The following ABCC9 variants were observed in gnomAD, a reference collection of about 807,000 sequenced individuals.
ABCC9 encodes ATP-binding cassette sub-family C member 9.
A neutral mutation model predicts 188.3 loss-of-function variants in ABCC9; 95 were observed. That is an observed-to-expected ratio of 0.50 (90% CI 0.43 to 0.60). The LOEUF (loss-of-function observed/expected upper bound fraction) is 0.60, where lower values mean the gene tolerates loss of function less well. Among genes scored for constraint, ABCC9 ranks in the 20% least tolerant of loss-of-function variants. The probability of loss-of-function intolerance (pLI) is 0.00; values close to 1 mark genes in which losing one functional copy is unlikely to be tolerated. For synonymous variants in ABCC9, 659 were observed against 652.7 expected, an observed-to-expected ratio of 1.01 and a Z score of -0.15; for missense variants, 1,102 against 1,876.3, an observed-to-expected ratio of 0.59 and a Z score of 7.62.
Position 21,801,006 on chromosome 12 carries a change from C to A in ABCC9, c.*38G>T. 2.5e-6 allele frequency: 4 copies of A among 1,612,198 alleles called. No homozygotes were observed. The highest frequency in any genetic ancestry group is 3.4e-6 in the Non-Finnish European group (4 of 1,179,238). ...TGATCCATTAATTAGGTTATGACTG[C>A]ATTATTTTAAATACATGTATTGTTT... On this transcript the variant is annotated 3_prime_UTR_variant, in exon 40 of 40. Coordinates refer to ENST00000261200, the MANE Select transcript of ABCC9 (RefSeq NM_020297.4).
intron 11 of ABCC9, 104 bp downstream of exon 11, chr12:21,907,973 T>G: frequency 7.7e-7 from 1 of 1,299,438 alleles, no homozygotes; most frequent in Non-Finnish European, 1.1e-6. Context: ...TGAAATAGAA[T>G]TGTTTCCAAA....
At chr12:21,911,534 G>A (rs1039933766) in intron 8 of ABCC9, among the ~76,000 whole-genome samples, 1 of 151,894 alleles carries the variant, frequency 6.6e-6, no homozygotes, top group African/African-American at 2.4e-5. Flanking sequence ...GTTTTAGTAG[G>A]AATACGACTG....
intron 22 of ABCC9, among the ~76,000 whole-genome samples, chr12:21,857,631 A>C (rs561613615): frequency 6.6e-6 from 1 of 152,276 alleles, no homozygotes; most frequent in Non-Finnish European, 1.5e-5. Flanking sequence ...AACTATATGC[A>C]TCCTTAAAAG....
intron 2 of ABCC9, among the ~76,000 whole-genome samples, chr12:21,939,121 A>T (rs372183062): frequency 7.2e-5 from 11 of 152,316 alleles, no homozygotes; most frequent in Admixed American, 6.5e-4. Context: ...ATAAGAAATG[A>T]TGCAATCAAA....
intron 12 of ABCC9, among the ~76,000 whole-genome samples, chr12:21,898,709 G>A (rs1396467843): frequency 6.6e-6 from 1 of 152,136 alleles, no homozygotes; most frequent in Non-Finnish European, 1.5e-5. Context: ...TCAAATATTA[G>A]TGGGAGTAGT....
In ABCC9 at chr12:21,871,968, C is replaced by G. The variant is rs570194355; in HGVS notation, c.2198+657G>C. Among the ~76,000 whole-genome samples, 43 of 152,296 alleles carry G rather than the reference C, an allele frequency of 2.8e-4. No homozygotes were observed. The South Asian group carries it at 8.3e-3, about 29-fold the overall frequency. On this transcript the variant is annotated intron_variant, in intron 18 of 39. Coordinates refer to ENST00000261200, the MANE Select transcript of ABCC9 (RefSeq NM_020297.4). ...ATAAGTATAATTTACTCTTTATTAA[C>G]CAATTATGTAACATATTTCTGAATC...
chr12:21,919,736 A>G (rs1000857071), intron 5 of ABCC9, among the ~76,000 whole-genome samples: 4 of 152,078 alleles, frequency 2.6e-5, no homozygotes, highest in Non-Finnish European at 4.4e-5. Flanking sequence ...CTTTCAGAAA[A>G]ATAGAGAGAA....
chr12:21,910,889 T>A lies in ABCC9; in HGVS notation c.1101A>T (p.Thr367=). Residue 367 remains threonine (T), a synonymous_variant, in exon 9 of 40, where the codon ACA becomes ACT. Transcript: ENST00000261200. The part of the protein sequence containing the change: ...LLFLALILQR[T]FLQASYYVTI... ...TTACATAGTAGGAAGCCTGCAAAAATGTCCTTTGCAGAATAAGAGCCAAGA... is the reference window on the plus strand; with the variant it reads ...TTACATAGTAGGAAGCCTGCAAAAAAGTCCTTTGCAGAATAAGAGCCAAGA... 2 of 1,612,474 alleles carry A rather than the reference T, an allele frequency of 1.2e-6. No homozygotes were observed. The highest frequency in any genetic ancestry group is 1.7e-6 in the Non-Finnish European group (2 of 1,178,816).
chr12:21,882,452 C>T (rs1342913048), intron 16 of ABCC9, among the ~76,000 whole-genome samples: 1 of 152,098 alleles, frequency 6.6e-6, no homozygotes, highest in Non-Finnish European at 1.5e-5. Context: ...TTGGTATTCT[C>T]ATTAATCAAT....
intron 14 of ABCC9, among the ~76,000 whole-genome samples, chr12:21,891,960 A>G (rs1027837680): frequency 1.3e-5 from 2 of 152,176 alleles, no homozygotes; most frequent in Non-Finnish European, 2.9e-5. Context: ...CACAGTGGGA[A>G]AAAGGATTAA....
At chr12:21,854,321 G>C (rs1945117135) in intron 22 of ABCC9, among the ~76,000 whole-genome samples, 2 of 152,080 alleles carry the variant, frequency 1.3e-5, no homozygotes, top group African/African-American at 2.4e-5. Flanking sequence ...TAAGAAATTT[G>C]ACCTTATTAA....
intron 30 of ABCC9, among the ~76,000 whole-genome samples, chr12:21,833,918 C>T (rs990592953): frequency 3.3e-5 from 5 of 152,112 alleles, no homozygotes; most frequent in Admixed American, 2.6e-4. Context: ...AAAATGAAAA[C>T]GCAATAGTAA....
At position 21,848,167 on chromosome 12, in the gene ABCC9, A is replaced by G. The variant is rs1197245519; in HGVS notation, c.2849T>C (p.Met950Thr). The change falls in exon 25 of 40, where the codon ATG becomes ACG. Residue 950 changes from methionine to threonine, a missense_variant. Physicochemically the swap from Met to Thr is moderately conservative, Grantham distance 81. This residue lies in a region of ABCC9 where 131 missense variants were observed against 170.2 expected (regional missense o/e 0.77). Transcript: ENST00000261200. ...AMYSREAKAQ[M>T]EDEDEEEEEE... ...AGATCTACCTTCGTCTTCGTCCTCC[A>G]TCTGGGCTTTGGCTTCTCTTGAATA... The G allele has an allele frequency of 1.2e-6, 2 of 1,613,546 alleles. No individual in the cohort carries two copies. Among genetic ancestry groups the G allele is most frequent in the Admixed American group, 1.7e-5 (1 of 59,990 alleles).
chr12:21,844,736 G>A (rs750411026), intron 27 of ABCC9, 31 bp downstream of exon 27: 46 of 1,611,160 alleles, frequency 2.9e-5, no homozygotes, highest in Non-Finnish European at 3.7e-5. Context: ...ATTATTTTAT[G>A]TGTGGGAGTG....
chr12:21,922,916 C>T (rs796537008), intron 5 of ABCC9: 4 of 150,744 alleles, frequency 2.7e-5, no homozygotes, highest in African/African-American at 9.7e-5. Flanking sequence ...AAATGTTAGT[C>T]GCATAAAAAT....
chr12:21,806,112 T>C (rs1308681378), intron 38 of ABCC9, 52 bp from the exon 39 acceptor site: 1 of 1,528,754 alleles, frequency 6.5e-7, no homozygotes, highest in Non-Finnish European at 9.0e-7. Context: ...GTCATCATAA[T>C]ATTTTGCCCC....
At chr12:21,811,478 C>T (rs1464643175) in intron 36 of ABCC9, among the ~76,000 whole-genome samples, 1 of 152,092 alleles carries the variant, frequency 6.6e-6, no homozygotes, top group Admixed American at 6.6e-5. Context: ...TCAAAACCCT[C>T]ATCTATAAAA....
intron 36 of ABCC9, 117 bp from the exon 37 acceptor site, chr12:21,810,072 G>A (rs1417823656): frequency 2.8e-6 from 2 of 707,580 alleles, no homozygotes; most frequent in East Asian, 5.4e-5. Context: ...GGTTACTGCT[G>A]TATATTCAGC....
intron 29 of ABCC9, among the ~76,000 whole-genome samples, chr12:21,838,465 C>T (rs902963875): frequency 6.6e-6 from 1 of 152,178 alleles, no homozygotes; most frequent in African/African-American, 2.4e-5. Context: ...GCACTTAATT[C>T]ATACCTAGGA....
Sources: allele counts gnomAD v4.1 joint callset (sites outside exome capture counted in the v4.1 genomes callset), GRCh38; gene constraint gnomAD v4.1.1; regional missense constraint gnomAD v4.1.1; transcripts MANE v1.5; gene names NCBI Gene and HGNC (gene_info 2026-07-23, HGNC 2026-07-21).